BAZ1A: variants seen among roughly 807,000 people sequenced by gnomAD.
BAZ1A encodes bromodomain adjacent to zinc finger domain protein 1A.
Under a neutral mutation model 185.2 loss-of-function variants are expected in BAZ1A, and 50 were observed. The ratio of observed to expected loss-of-function variants is 0.27; its 90% confidence interval spans 0.22 to 0.34. The LOEUF (loss-of-function observed/expected upper bound fraction) is 0.34. Ranked by LOEUF, BAZ1A falls within the 10% of genes least tolerant of loss-of-function variation. The probability of loss-of-function intolerance (pLI) is 1.00; values close to 1 mark genes in which losing one functional copy is unlikely to be tolerated. For missense variants in BAZ1A, 1,356 were observed against 1,839.9 expected, an observed-to-expected ratio of 0.74 and a Z score of 4.81; for synonymous variants, 571 against 615.6, an observed-to-expected ratio of 0.93 and a Z score of 1.07.
chr14:34,818,601 G>A (rs1253487450), intron 4 of BAZ1A, among the ~76,000 whole-genome samples: 1 of 152,028 alleles, frequency 6.6e-6, no homozygotes. Flanking sequence ...TCCTCCTGTG[G>A]TTTGAAAACA....
Position 34,802,888 on chromosome 14 carries a change from C to T in BAZ1A, c.827G>A (p.Arg276Lys). ...TFIFSPANRRRGRPPKRIHIS... is the reference protein window; with the variant it reads ...TFIFSPANRRKGRPPKRIHIS... ...ATGTATTCGTTTGGGAGGTCTCCCTCTTCGTCTGTTAGCAGGACTGAAGAT... is the reference window on the plus strand; with the variant it reads ...ATGTATTCGTTTGGGAGGTCTCCCTTTTCGTCTGTTAGCAGGACTGAAGAT... The change falls in exon 7 of 27, where the codon AGA becomes AAA. Residue 276 changes from arginine to lysine, a missense_variant. By Grantham distance (26) the Arg-to-Lys change is conservative. This residue lies in a region of BAZ1A where 332 missense variants were observed against 395.3 expected (regional missense o/e 0.84). Coordinates refer to ENST00000360310, the MANE Select transcript of BAZ1A (RefSeq NM_013448.3). The T allele has an allele frequency of 6.2e-7, 1 of 1,613,780 alleles. No individual in the cohort carries two copies. Among genetic ancestry groups the T allele is most frequent in the Non-Finnish European group, 8.5e-7 (1 of 1,179,742 alleles).
At chr14:34,848,755 G>A (rs1309406277) in intron 3 of BAZ1A, among the ~76,000 whole-genome samples, 3 of 152,072 alleles carry the variant, frequency 2.0e-5, no homozygotes, top group Non-Finnish European at 4.4e-5. Context: ...CAAATACTAT[G>A]GGGATAATAT....
intron 12 of BAZ1A, among the ~76,000 whole-genome samples, chr14:34,789,424 T>C (rs1026480007): frequency 1.3e-5 from 2 of 152,206 alleles, no homozygotes; most frequent in Non-Finnish European, 2.9e-5. Context: ...ACTGTAAATA[T>C]CATTCTAGGA....
intron 4 of BAZ1A, among the ~76,000 whole-genome samples, chr14:34,823,866 T>C (rs2042123015): frequency 6.6e-6 from 1 of 152,158 alleles, no homozygotes; most frequent in South Asian, 2.1e-4. Flanking sequence ...TTTACTTATA[T>C]TTGTACCTAT....
chr14:34,794,637 G>A (rs1202108182), intron 11 of BAZ1A, 112 bp downstream of exon 11: 2 of 1,089,272 alleles, frequency 1.8e-6, no homozygotes, highest in African/African-American at 1.6e-5. Context: ...AGCCAGACCA[G>A]AGAGATCCCA....
chr14:34,794,547 G>T (rs758644570), intron 11 of BAZ1A, among the ~76,000 whole-genome samples: 104 of 152,158 alleles, frequency 6.8e-4, no homozygotes, highest in Non-Finnish European at 1.2e-3. Context: ...ATAAGTATGA[G>T]ATACTCTGAT....
intron 21 of BAZ1A, among the ~76,000 whole-genome samples, chr14:34,767,885 G>A (rs1376498350): frequency 6.6e-6 from 1 of 152,114 alleles, no homozygotes; most frequent in African/African-American, 2.4e-5. Context: ...TGCAAAGGTT[G>A]GTGAAATGCT....
chr14:34,844,416 G>T (rs919758662), intron 3 of BAZ1A, among the ~76,000 whole-genome samples: 3 of 152,016 alleles, frequency 2.0e-5, no homozygotes, highest in African/African-American at 7.3e-5. Flanking sequence ...TGAATTCGAA[G>T]AGTTAATATT....
intron 3 of BAZ1A, among the ~76,000 whole-genome samples, chr14:34,849,278 G>A (rs1036314854): frequency 3.9e-5 from 6 of 152,172 alleles, no homozygotes; most frequent in African/African-American, 9.6e-5. Context: ...GAGTGAGACT[G>A]TCTCTCAAAA....
At chr14:34,827,553 G>A (rs1020297487) in intron 3 of BAZ1A, among the ~76,000 whole-genome samples, 16 of 151,982 alleles carry the variant, frequency 1.1e-4, no homozygotes, top group Non-Finnish European at 2.1e-4. Flanking sequence ...GGCTAACCTG[G>A]TGAAACCCCA....
At chr14:34,847,236 TAAA>T (rs5807798) in intron 3 of BAZ1A, among the ~76,000 whole-genome samples, 1 of 142,560 alleles carries the variant, frequency 7.0e-6, no homozygotes, top group Non-Finnish European at 1.5e-5. Flanking sequence ...AGACTAGTCT[TAAA>T]AAAAAAAAAA....
At chr14:34,781,568 A>T (rs1042907542) in intron 16 of BAZ1A, among the ~76,000 whole-genome samples, 12 of 149,516 alleles carry the variant, frequency 8.0e-5, no homozygotes, top group Non-Finnish European at 1.5e-4. Context: ...TCTGCTGCCC[A>T]GGCTGGAGCA....
chr14:34,825,396 G>A (rs901250870), intron 4 of BAZ1A, among the ~76,000 whole-genome samples: 1 of 128,280 alleles, frequency 7.8e-6, no homozygotes, highest in Admixed American at 9.0e-5. Flanking sequence ...TCAGTGAGCC[G>A]AGATTGCACC....
At chr14:34,837,980 A>G (rs919590580) in intron 3 of BAZ1A, among the ~76,000 whole-genome samples, 4 of 152,220 alleles carry the variant, frequency 2.6e-5, no homozygotes, top group African/African-American at 4.8e-5. Context: ...TGAAAAATGC[A>G]TAGGAAAAGG....
At chr14:34,797,781 C>T (rs1881277299) in intron 9 of BAZ1A, among the ~76,000 whole-genome samples, 1 of 152,166 alleles carries the variant, frequency 6.6e-6, no homozygotes, top group Admixed American at 6.5e-5. Context: ...AACTGAGGTA[C>T]CTGGTTCATC....
chr14:34,869,141 A>T (rs1437775190), intron 2 of BAZ1A, among the ~76,000 whole-genome samples: 1 of 151,730 alleles, frequency 6.6e-6, no homozygotes, highest in Non-Finnish European at 1.5e-5. Context: ...CGGGAGGCGG[A>T]GTTTGCAGTG....
In BAZ1A at chr14:34,754,678, T is replaced by C. The variant is rs1288869944; in HGVS notation, c.4474+149A>G. 5 of 530,882 alleles carry C rather than the reference T, an allele frequency of 9.4e-6. No individual in the cohort carries two copies. In the East Asian group the frequency reaches 1.3e-4, roughly 14 times the overall value. 32.9% of individuals were successfully genotyped at this position (530,882 alleles called of 1,614,324 possible). On this transcript the variant is annotated intron_variant, in intron 26 of 26. Transcript: ENST00000360310. ...ACTAATAAGTACTTGTGGAACCTCA[T>C]GGAATGCCATCTACACAACTACATC...
intron 17 of BAZ1A, among the ~76,000 whole-genome samples, chr14:34,777,572 A>G (rs1422722733): frequency 2.8e-5 from 4 of 143,524 alleles, no homozygotes; most frequent in Non-Finnish European, 6.0e-5. Flanking sequence ...TGAACCCAGG[A>G]GGGGGAGGTT....
chr14:34,806,766 T>C lies in BAZ1A; in HGVS notation c.726+685A>G, dbSNP rs138169374. ...ATTTATTATTATTATTATATTATTT[T>C]GAGACAGGGTCTCACTCTGTTGTCC... is the stretch of plus-strand genomic sequence containing the variant. On this transcript the variant is annotated intron_variant, in intron 6 of 26. Transcript: ENST00000360310. Among the ~76,000 whole-genome samples the C allele has an allele frequency of 6.1e-3, 933 of 151,946 alleles. 17 individuals are homozygous for C. The highest frequency in any genetic ancestry group is 0.022 in the African/African-American group (901 of 41,452).
Sources: gnomAD v4.1 joint callset for allele counts (sites outside exome capture counted in the v4.1 genomes callset) on GRCh38, gnomAD v4.1.1 for gene constraint, gnomAD v4.1.1 regional missense constraint, MANE v1.5 for transcripts, NCBI Gene and HGNC (gene_info 2026-07-23, HGNC 2026-07-21) for gene names.